SYMPK: variants seen among roughly 807,000 people sequenced by gnomAD.
SYMPK encodes the protein symplekin scaffold protein.
SYMPK carries 49 observed loss-of-function variants against 136.4 expected under a neutral mutation model. The observed-to-expected ratio is 0.36, with a 90% CI of 0.29 to 0.46. The LOEUF (loss-of-function observed/expected upper bound fraction) is 0.46. SYMPK is among the 20% of genes least tolerant of loss of function. SYMPK has a pLI of 1.00. For synonymous variants in SYMPK, 766 were observed against 713.0 expected (o/e 1.07, Z -1.19); for missense variants, 1,365 against 1,690.0 (o/e 0.81, Z 3.37).
chr19:45,860,535 G>A (rs1005898459), intron 1 of SYMPK, among the ~76,000 whole-genome samples: 1 of 151,526 alleles, frequency 6.6e-6, no homozygotes, highest in Non-Finnish European at 1.5e-5. Context: ...CACTTAATAT[G>A]TGCTAAGCAC....
intron 18 of SYMPK, among the ~76,000 whole-genome samples, chr19:45,824,401 C>G (rs1970988533): frequency 6.6e-6 from 1 of 152,174 alleles, no homozygotes; most frequent in Non-Finnish European, 1.5e-5. Flanking sequence ...AAGCTCACAG[C>G]CCTGCCAGAT....
chr19:45,818,242 G>C (rs1041871814), intron 22 of SYMPK, 96 bp from the exon 23 acceptor site: 1 of 1,294,886 alleles, frequency 7.7e-7, no homozygotes, highest in African/African-American at 1.5e-5. Context: ...GTGAGGGGAA[G>C]ACTTCTAAAG....
intron 15 of SYMPK, 60 bp downstream of exon 15, chr19:45,827,777 C>A (rs1252372032): frequency 5.8e-6 from 9 of 1,561,978 alleles, no homozygotes; most frequent in African/African-American, 2.7e-5. Context: ...GCCCTTCAGA[C>A]CCCTCAGGGC....
rs970807483 is a variant in SYMPK at position 45,863,052 on chromosome 19, G to C, written c.-13+6C>G. The C allele has an allele frequency of 2.2e-5, 7 of 319,104 alleles. No homozygotes were observed. Among genetic ancestry groups the C allele is most frequent in the Non-Finnish European group, 4.0e-5 (7 of 176,868 alleles). 19.8% of individuals were successfully genotyped at this position (319,104 alleles called of 1,614,324 possible). On this transcript the variant is annotated splice_donor_region_variant and intron_variant, in intron 1 of 26. Transcript: ENST00000245934. ...TCTCCGGGCCCAAACGCCGCCTCCC[G>C]CTCACCGCAGCTCTGGCCTCCGTTC...
chr19:45,821,545 G>A lies in SYMPK; in HGVS notation c.2792-60C>T, dbSNP rs1970896488. 1 of 1,177,042 alleles carries A rather than the reference G, an allele frequency of 8.5e-7. No homozygotes were observed. The highest frequency in any genetic ancestry group is 1.3e-6 in the Non-Finnish European group (1 of 798,930). 72.9% of individuals were successfully genotyped at this position (1,177,042 alleles called of 1,614,324 possible). ...GTGCGGACGCATAAGTGAAGAGATG[G>A]GTCTGAGTTCCCCAGATCGGGGGAG... On this transcript the variant is annotated intron_variant, in intron 21 of 26. Transcript: ENST00000245934. This position sits in a 1 kb window ranked among gnomAD's most constrained non-coding sequence, Gnocchi z 4.4.
intron 2 of SYMPK, 60 bp downstream of exon 2, chr19:45,854,331 A>C (rs1434796648): frequency 1.6e-5 from 25 of 1,606,468 alleles, no homozygotes; most frequent in Non-Finnish European, 2.1e-5. Context: ...CCACCTAAAC[A>C]GGGATTGCCA....
chr19:45,846,893 A>C (rs1055859644), intron 7 of SYMPK, among the ~76,000 whole-genome samples: 17 of 151,712 alleles, frequency 1.1e-4, no homozygotes, highest in Non-Finnish European at 2.2e-4. Context: ...TCCTGGGTTC[A>C]AGCGATTCTC....
chr19:45,838,821 A>C (rs1039049206), intron 9 of SYMPK, among the ~76,000 whole-genome samples: 1 of 152,172 alleles, frequency 6.6e-6, no homozygotes, highest in African/African-American at 2.4e-5. Flanking sequence ...TGAACCTCAG[A>C]TCTCCTGATC....
At chr19:45,817,117 C>T in intron 23 of SYMPK, 143 bp from the exon 24 acceptor site, 1 of 823,044 alleles carries the variant, frequency 1.2e-6, no homozygotes, top group Non-Finnish European at 1.8e-6. Context: ...CAGCCCCGAC[C>T]TCCCTCCAGA....
chr19:45,846,942 C>T (rs538664539), intron 7 of SYMPK, among the ~76,000 whole-genome samples: 5 of 151,838 alleles, frequency 3.3e-5, no homozygotes, highest in Admixed American at 6.6e-5. Flanking sequence ...TACAGGTGCC[C>T]GCCACCATGC....
intron 9 of SYMPK, among the ~76,000 whole-genome samples, chr19:45,840,733 C>T (rs1353880164): frequency 1.3e-5 from 2 of 151,368 alleles, no homozygotes; most frequent in Non-Finnish European, 2.9e-5. Flanking sequence ...ATTCCAGTTA[C>T]TCAGGAAGCA....
At chr19:45,823,550 G>A in intron 19 of SYMPK, 78 bp from the exon 20 acceptor site, 7 of 1,380,078 alleles carry the variant, frequency 5.1e-6, no homozygotes, top group Non-Finnish European at 6.1e-6. Context: ...GGAAAGAGAA[G>A]CAGGCAGGTG....
chr19:45,843,454 G>T (rs564065178), intron 8 of SYMPK, among the ~76,000 whole-genome samples: 5 of 152,196 alleles, frequency 3.3e-5, no homozygotes, highest in African/African-American at 1.2e-4. Context: ...CCTTTTGGTG[G>T]GGGGAGAGGA....
chr19:45,824,171 C>T (rs1454980608), intron 18 of SYMPK: 2 of 334,082 alleles, frequency 6.0e-6, no homozygotes, highest in Non-Finnish European at 1.1e-5. Flanking sequence ...CCACCCTGTG[C>T]TTCGTTCACT....
chr19:45,818,275 G>A (rs1048024211), intron 22 of SYMPK, 129 bp from the exon 23 acceptor site: 34 of 979,708 alleles, frequency 3.5e-5, no homozygotes, highest in Admixed American at 1.6e-4. Flanking sequence ...AAGCCCCTGC[G>A]GGAGAGAGGA....
At chr19:45,856,632 C>G (rs1971829452) in intron 1 of SYMPK, among the ~76,000 whole-genome samples, 2 of 152,090 alleles carry the variant, frequency 1.3e-5, no homozygotes, top group African/African-American at 4.8e-5. Flanking sequence ...GGGAAAAGAT[C>G]TGAAGGCTAC....
intron 9 of SYMPK, among the ~76,000 whole-genome samples, chr19:45,841,321 T>C (rs1971430852): frequency 6.8e-6 from 1 of 148,052 alleles, no homozygotes; most frequent in Non-Finnish European, 1.5e-5. Flanking sequence ...AGACAGAGTT[T>C]CACTCTTGTC....
In SYMPK at chr19:45,860,198, A is replaced by G. The variant is rs1971929739; in HGVS notation, c.-13+2860T>C. On this transcript the variant is annotated intron_variant, in intron 1 of 26. Transcript: ENST00000245934. ...CGGCCGGGCACGGTGGCTCAAGCCT[A>G]TAATGCCAGCACTTTGGGAGGCCAA... 2.0e-5 allele frequency among the ~76,000 whole-genome samples: 3 copies of G among 151,930 alleles called. No individual in the cohort carries two copies. In the South Asian group the frequency reaches 6.2e-4, roughly 32 times the overall value.
intron 5 of SYMPK, among the ~76,000 whole-genome samples, chr19:45,851,508 G>A (rs1170056128): frequency 4.0e-5 from 6 of 151,754 alleles, no homozygotes; most frequent in Non-Finnish European, 8.8e-5. Context: ...AGCCTGGGAG[G>A]TGGAGGTTGT....
Sources: allele counts gnomAD v4.1 joint callset (sites outside exome capture counted in the v4.1 genomes callset), GRCh38; gene constraint gnomAD v4.1.1; non-coding constraint Gnocchi (gnomAD v3.1); transcripts MANE v1.5; gene names NCBI Gene and HGNC (gene_info 2026-07-23, HGNC 2026-07-21).